Variants in TOX3 observed in about 807,000 individuals in gnomAD.
TOX3 encodes TOX high mobility group box family member 3, also known as CAG trinucleotide repeat-containing gene F9 protein.
Under a neutral mutation model 64.3 loss-of-function variants are expected in TOX3, and 22 were observed. The ratio of observed to expected loss-of-function variants is 0.34; its 90% CI spans 0.24 to 0.49. The LOEUF (loss-of-function observed/expected upper bound fraction) is 0.49. TOX3 is among the 20% of genes least tolerant of loss of function. TOX3 has a pLI of 0.99. For synonymous variants in TOX3, 291 were observed against 273.6 expected, an observed-to-expected ratio of 1.06 and a Z score of -0.63; for missense variants, 661 against 714.4, an observed-to-expected ratio of 0.93 and a Z score of 0.85.
At chr16:52,516,425 C>T (rs574811165) in intron 1 of TOX3, among the ~76,000 whole-genome samples, 2 of 152,250 alleles carry the variant, frequency 1.3e-5, no homozygotes, top group South Asian at 4.2e-4. Flanking sequence ...CATTCATCAG[C>T]AGCAATGAAG....
chr16:52,457,483 C>G (rs1960555059), intron 3 of TOX3, among the ~76,000 whole-genome samples: 1 of 152,034 alleles, frequency 6.6e-6, no homozygotes, highest in Non-Finnish European at 1.5e-5. Context: ...GCAACTAACC[C>G]AAATATATTA....
chr16:52,470,844 T>A (rs1567322878), intron 1 of TOX3, among the ~76,000 whole-genome samples: 1 of 152,182 alleles, frequency 6.6e-6, no homozygotes, highest in Non-Finnish European at 1.5e-5. Context: ...CTTTTGTATC[T>A]ATAGAAGGCC....
At chr16:52,484,481 A>G (rs1241927505) in intron 1 of TOX3, among the ~76,000 whole-genome samples, 3 of 152,206 alleles carry the variant, frequency 2.0e-5, no homozygotes, top group African/African-American at 7.2e-5. Context: ...GAAGGATTTC[A>G]TTAATCTCCA....
intron 2 of TOX3, among the ~76,000 whole-genome samples, chr16:52,468,003 C>T (rs1337497190): frequency 1.3e-5 from 2 of 152,188 alleles, no homozygotes; most frequent in Admixed American, 1.3e-4. Context: ...CTGTGGGGAT[C>T]TAGCAACAAA....
rs139146618 is a variant in TOX3, at chr16:52,489,072, A to T, written c.88-20498T>A. 2.2e-3 allele frequency among the ~76,000 whole-genome samples: 333 copies of T among 152,090 alleles called. 2 individuals are homozygous for T. The highest frequency in any genetic ancestry group is 6.8e-3 in the Middle Eastern group (2 of 294). On this transcript the variant is annotated intron_variant, in intron 1 of 6. Coordinates refer to ENST00000219746, the MANE Select transcript of TOX3 (RefSeq NM_001080430.4). ...TCACCCCAAACCAGAACTTCAAATCATCCCTTTTTTTTCCTTTGCCCAGCA... is the reference window on the plus strand; with the variant it reads ...TCACCCCAAACCAGAACTTCAAATCTTCCCTTTTTTTTCCTTTGCCCAGCA...
At chr16:52,520,890 A>G (rs1167817593) in intron 1 of TOX3, among the ~76,000 whole-genome samples, 2 of 152,150 alleles carry the variant, frequency 1.3e-5, no homozygotes, top group African/African-American at 4.8e-5. Context: ...ATTTTTCTTT[A>G]ATTCATGCAT....
chr16:52,482,518 TAAAAC>T (rs1175852278), intron 1 of TOX3, among the ~76,000 whole-genome samples: 1 of 152,134 alleles, frequency 6.6e-6, no homozygotes, highest in African/African-American at 2.4e-5. Context: ...TAAAAGTTCT[TAAAAC>T]AACCACAAAA....
intron 1 of TOX3, among the ~76,000 whole-genome samples, chr16:52,521,060 G>A (rs916275467): frequency 6.6e-6 from 1 of 152,042 alleles, no homozygotes; most frequent in Non-Finnish European, 1.5e-5. Flanking sequence ...CTACAGAAGG[G>A]TTGTAACTGG....
chr16:52,474,716 G>A (rs1210295965), intron 1 of TOX3, among the ~76,000 whole-genome samples: 5 of 151,952 alleles, frequency 3.3e-5, no homozygotes, highest in East Asian at 3.9e-4. Context: ...AGTAAGAGAC[G>A]GAGGGAAGGA....
At chr16:52,462,863 A>G (rs1960733923) in intron 3 of TOX3, among the ~76,000 whole-genome samples, 1 of 152,148 alleles carries the variant, frequency 6.6e-6, no homozygotes, top group Non-Finnish European at 1.5e-5. Context: ...AGTAAAAAAT[A>G]AAAACCCTGA....
chr16:52,490,097 T>G (rs1371278697), intron 1 of TOX3, among the ~76,000 whole-genome samples: 2 of 151,996 alleles, frequency 1.3e-5, no homozygotes, highest in Non-Finnish European at 2.9e-5. Context: ...TTTAACGCAG[T>G]ATGCCAAGGT....
intron 1 of TOX3, among the ~76,000 whole-genome samples, chr16:52,501,474 C>G (rs1228003845): frequency 6.6e-6 from 1 of 152,080 alleles, no homozygotes; most frequent in Non-Finnish European, 1.5e-5. Context: ...GAGTTCGAGA[C>G]CAGCCTGGCC....
At chr16:52,492,026 T>C (rs1487507163) in intron 1 of TOX3, among the ~76,000 whole-genome samples, 1 of 150,610 alleles carries the variant, frequency 6.6e-6, no homozygotes, top group East Asian at 1.9e-4. Flanking sequence ...ACAGCTTTAC[T>C]AGGCCCCTTG....
chr16:52,464,325 T>C, intron 2 of TOX3, 137 bp from the exon 3 acceptor site: 1 of 1,007,554 alleles, frequency 9.9e-7, no homozygotes, highest in Admixed American at 3.3e-5. Context: ...AATGAAAATA[T>C]CTTAAACACA....
chr16:52,497,997 TC>T (rs1480890157), intron 1 of TOX3, among the ~76,000 whole-genome samples: 1 of 152,138 alleles, frequency 6.6e-6, no homozygotes, highest in Non-Finnish European at 1.5e-5. Context: ...TGCACATTAC[TC>T]CCCATTCTAA....
intron 1 of TOX3, among the ~76,000 whole-genome samples, chr16:52,530,983 G>A (rs569518629): frequency 6.6e-6 from 1 of 152,146 alleles, no homozygotes; most frequent in Non-Finnish European, 1.5e-5. Flanking sequence ...GAAAGGCTCC[G>A]ATGATTTAAG....
intron 1 of TOX3, among the ~76,000 whole-genome samples, chr16:52,496,026 C>G (rs938190023): frequency 6.6e-6 from 1 of 152,130 alleles, no homozygotes; most frequent in African/African-American, 2.4e-5. Flanking sequence ...CAAATTCTAC[C>G]TATCAGTTTC....
chr16:52,544,934 A>G (rs560092679), intron 1 of TOX3, among the ~76,000 whole-genome samples: 1 of 152,330 alleles, frequency 6.6e-6, no homozygotes, highest in African/African-American at 2.4e-5. Flanking sequence ...AAGGAGTTAC[A>G]TTAGGCAAGG....
intron 6 of TOX3, among the ~76,000 whole-genome samples, chr16:52,442,080 T>G (rs1254435458): frequency 6.6e-6 from 1 of 152,346 alleles, no homozygotes; most frequent in South Asian, 2.1e-4. Flanking sequence ...GGCAGCTCAG[T>G]TGCACTATTG....
Sources: gnomAD v4.1 joint callset for allele counts (sites outside exome capture counted in the v4.1 genomes callset) on GRCh38, gnomAD v4.1.1 for gene constraint, MANE v1.5 for transcripts, NCBI Gene and HGNC (gene_info 2026-07-23, HGNC 2026-07-21) for gene names.